Variants in LRFN2 observed in about 807,000 individuals in gnomAD.
The protein encoded by LRFN2 is leucine rich repeat and fibronectin type III domain containing 2, also known as leucine-rich repeat and fibronectin type-III domain-containing protein 2.
LRFN2 carries 18 observed loss-of-function variants against 37.3 expected under a neutral mutation model. The observed-to-expected ratio is 0.48, with a 90% CI of 0.33 to 0.72. The LOEUF is 0.72. Among genes scored for constraint, LRFN2 ranks in the 30% least tolerant of loss-of-function variants. The pLI is 0.02. For synonymous variants in LRFN2, 556 were observed against 466.6 expected (o/e 1.19, Z -2.47); for missense variants, 1,006 against 1,060.7 (o/e 0.95, Z 0.72).
rs142668485 is a variant in LRFN2 at position 40,391,715 on chromosome 6, C to T, written c.*228G>A. 1.4e-3 allele frequency: 605 copies of T among 426,862 alleles called. 5 individuals are homozygous for T. In the East Asian group the frequency reaches 0.022, roughly 15 times the overall value. 26.4% of individuals were successfully genotyped at this position (426,862 alleles called of 1,614,324 possible). A position where few individuals can be genotyped will look rare whatever the true frequency, so the allele number is the denominator to read the frequency against. On this transcript the variant is annotated 3_prime_UTR_variant, in exon 3 of 3. Coordinates refer to ENST00000338305, the MANE Select transcript of LRFN2 (RefSeq NM_020737.3). ...GTCTCGCCTTTCCAAACACTCAGGGCTCAGTCCGGCATTTGAGCGAGTCCA... is the reference window on the plus strand; with the variant it reads ...GTCTCGCCTTTCCAAACACTCAGGGTTCAGTCCGGCATTTGAGCGAGTCCA...
intron 1 of LRFN2, among the ~76,000 whole-genome samples, chr6:40,435,404 C>T (rs1162938432): frequency 6.6e-6 from 1 of 152,246 alleles, no homozygotes; most frequent in East Asian, 1.9e-4. Context: ...AAGTGATCCT[C>T]CTGCTTCAGC....
chr6:40,398,304 C>T (rs74614231), intron 2 of LRFN2, among the ~76,000 whole-genome samples: 4,079 of 151,980 alleles, frequency 0.027, 144 homozygotes, highest in African/African-American at 0.065. Flanking sequence ...CATTGAGGCA[C>T]ATTGGTTTAG....
intron 2 of LRFN2, among the ~76,000 whole-genome samples, chr6:40,430,914 C>T (rs989105800): frequency 6.6e-6 from 1 of 152,066 alleles, no homozygotes. Flanking sequence ...GCTTAGAGGA[C>T]CCAGCAGAGG....
chr6:40,565,698 C>T (rs12210014), intron 1 of LRFN2, among the ~76,000 whole-genome samples: 58,229 of 147,608 alleles, frequency 0.39, 11,145 homozygotes, highest in Middle Eastern at 0.55. Context: ...AAAGCTGAAA[C>T]TGGATCCCTT....
At chr6:40,466,741 C>G (rs180820276) in intron 1 of LRFN2, among the ~76,000 whole-genome samples, 1 of 152,096 alleles carries the variant, frequency 6.6e-6, no homozygotes, top group African/African-American at 2.4e-5. Flanking sequence ...ATGAGGACAA[C>G]GTGTGCTTTA....
chr6:40,448,203 A>G (rs111647684), intron 1 of LRFN2, among the ~76,000 whole-genome samples: 5 of 152,216 alleles, frequency 3.3e-5, no homozygotes, highest in African/African-American at 7.2e-5. Flanking sequence ...TTGGGGAAGC[A>G]GCTCATACCT....
At chr6:40,406,496 C>T (rs562811700) in intron 2 of LRFN2, among the ~76,000 whole-genome samples, 1 of 152,330 alleles carries the variant, frequency 6.6e-6, no homozygotes, top group South Asian at 2.1e-4. Flanking sequence ...CCTCTGCCCT[C>T]ACCATGCACA....
intron 2 of LRFN2, among the ~76,000 whole-genome samples, chr6:40,393,303 C>A (rs140557801): frequency 5.1e-4 from 77 of 151,664 alleles, no homozygotes; most frequent in African/African-American, 1.8e-3. Context: ...AGGTATAGAC[C>A]GAGGATGTGT....
At chr6:40,433,620 T>C (rs572386561) in intron 1 of LRFN2, among the ~76,000 whole-genome samples, 3 of 152,244 alleles carry the variant, frequency 2.0e-5, no homozygotes, top group Non-Finnish European at 4.4e-5. Flanking sequence ...TTTTGAGGCA[T>C]AATTTTACAT....
chr6:40,433,216 A>C, intron 1 of LRFN2, 85 bp from the exon 2 acceptor site: 20 of 1,192,834 alleles, frequency 1.7e-5, no homozygotes, highest in Non-Finnish European at 2.1e-5. Flanking sequence ...ATTAACCCTC[A>C]CTGCCTTAGG....
chr6:40,506,198 G>A (rs1452349719), intron 1 of LRFN2, among the ~76,000 whole-genome samples: 1 of 152,204 alleles, frequency 6.6e-6, no homozygotes, highest in Non-Finnish European at 1.5e-5. Flanking sequence ...GGGCAGTAAA[G>A]TGGGTGTCTA....
At chr6:40,487,788 C>T (rs529460015) in intron 1 of LRFN2, among the ~76,000 whole-genome samples, 46 of 152,318 alleles carry the variant, frequency 3.0e-4, no homozygotes, top group African/African-American at 1.0e-3. Context: ...CATGGAGTGC[C>T]GCTGCCCACC....
chr6:40,518,489 T>C (rs987595603), intron 1 of LRFN2, among the ~76,000 whole-genome samples: 4 of 152,174 alleles, frequency 2.6e-5, no homozygotes, highest in Admixed American at 6.5e-5. Context: ...GCTCACCTCC[T>C]ATGCTGCTCC....
In LRFN2 at chr6:40,392,417, A is replaced by C. The variant is rs1275334484; in HGVS notation, c.1896T>G (p.Ala632=). 1.3e-6 allele frequency: 2 copies of C among 1,568,432 alleles called. No homozygotes were observed. ...SSSSSLGSGE[A]AGLGRAPWRI... is the part of the protein sequence containing the mutation. ...TCCAGGGGGCCCGTCCCAGCCCCGC[A>C]GCCTCCCCACTGCCCAGGGAGCTGG... The change falls in exon 3 of 3, where the codon GCT becomes GCG. Residue 632 remains alanine, a synonymous_variant. Transcript: ENST00000338305. This position sits in a 1 kb window ranked among gnomAD's most constrained non-coding sequence, Gnocchi z 4.7.
At position 40,432,339 on chromosome 6, in the gene LRFN2, C is replaced by T. The variant is rs1763520204; in HGVS notation, c.775G>A (p.Asp259Asn). ...GAGCCACAGGTTTCCAGGTCATCGT[C>T]CCGCTCGAGCCTCCGCAGCCAGAGA... ...ELLWLRRLER[D>N]DDLETCGSPG... The change falls in exon 2 of 3, where the codon GAC becomes AAC. Residue 259 changes from aspartate (D) to asparagine (N), a missense_variant. Physicochemically the swap from Asp to Asn is conservative, Grantham distance 23. Transcript: ENST00000338305. 3 of 1,614,182 alleles carry T rather than the reference C, an allele frequency of 1.9e-6. No homozygotes were observed. Among genetic ancestry groups the T allele is most frequent in the Non-Finnish European group, 2.5e-6 (3 of 1,180,046 alleles).
chr6:40,572,586 G>A (rs899473173), intron 1 of LRFN2, among the ~76,000 whole-genome samples: 5 of 152,352 alleles, frequency 3.3e-5, no homozygotes, highest in Admixed American at 6.5e-5. Flanking sequence ...AGGCTGCCTG[G>A]GTTTTATGGG....
chr6:40,423,439 T>G (rs1350920960), intron 2 of LRFN2, among the ~76,000 whole-genome samples: 1 of 152,200 alleles, frequency 6.6e-6, no homozygotes, highest in African/African-American at 2.4e-5. Flanking sequence ...TGAAGAACGC[T>G]CTTTCAAATA....
rs780213189 is a variant in LRFN2 at position 40,392,081 on chromosome 6, A to G, written c.2232T>C (p.Pro744=). 1.2e-6 allele frequency: 2 copies of G among 1,614,034 alleles called. No homozygotes were observed. The highest frequency in any genetic ancestry group is 1.7e-6 in the Non-Finnish European group (2 of 1,179,980). ...TCCAGATGTTCGAGACCTTCCGAGG[A>G]GGACTGTAGCCGCCCGGCACGACCC... ...AGGVVPGGYS[P]PRKVSNIWTK... is the part of the protein sequence containing the mutation. Residue 744 remains proline (P), a synonymous_variant, in exon 3 of 3, where the codon CCT becomes CCC. Coordinates refer to ENST00000338305, the MANE Select transcript of LRFN2 (RefSeq NM_020737.3). The surrounding 1 kb of genome is among the most constrained non-coding windows in gnomAD (Gnocchi z 4.7).
chr6:40,579,071 G>A (rs1767344839), intron 1 of LRFN2, among the ~76,000 whole-genome samples: 1 of 152,160 alleles, frequency 6.6e-6, no homozygotes, highest in African/African-American at 2.4e-5. Context: ...CAAGCATCAG[G>A]GATCTGCTTT....
Sources: allele counts gnomAD v4.1 joint callset (sites outside exome capture counted in the v4.1 genomes callset), GRCh38; gene constraint gnomAD v4.1.1; non-coding constraint Gnocchi (gnomAD v3.1); transcripts MANE v1.5; gene names NCBI Gene and HGNC (gene_info 2026-07-23, HGNC 2026-07-21).